The following KCNMA1 variants were observed in gnomAD, a reference collection of about 807,000 sequenced individuals.
KCNMA1 encodes potassium calcium-activated channel subfamily M alpha 1, also known as Calcium-activated potassium channel subunit alpha-1.
In KCNMA1, 29 loss-of-function variants were observed where a neutral mutation model predicts 140.0. The ratio of observed to expected loss-of-function variants is 0.21; its 90% CI spans 0.15 to 0.28. The LOEUF (loss-of-function observed/expected upper bound fraction) is 0.28. Ranked by LOEUF, KCNMA1 falls within the 10% of genes least tolerant of loss-of-function variation. The probability of loss-of-function intolerance (pLI) is 1.00; values close to 1 mark genes in which losing one functional copy is unlikely to be tolerated. For missense variants in KCNMA1, 880 were observed against 1,602.2 expected, an observed-to-expected ratio of 0.55 and a Z score of 7.70; for synonymous variants, 612 against 611.9, an observed-to-expected ratio of 1.00 and a Z score of 0.00.
At chr10:76,937,428 GA>G (rs1423313016) in intron 23 of KCNMA1, among the ~76,000 whole-genome samples, 75 of 152,326 alleles carry the variant, frequency 4.9e-4, no homozygotes, top group African/African-American at 1.8e-3. Flanking sequence ...CAACAAAGAT[GA>G]AACAGTCACT....
chr10:77,544,156 G>C lies in KCNMA1; in HGVS notation c.378+93109C>G, dbSNP rs928350037. ...GATCTACATATCTTTCCAGCTGTGT[G>C]TGTGTGTGTGTGTGTGTGTGTGTGT... On this transcript the variant is annotated intron_variant, in intron 1 of 27. Coordinates refer to ENST00000286628, the MANE Select transcript of KCNMA1 (RefSeq NM_001161352.2). 1.9e-4 allele frequency among the ~76,000 whole-genome samples: 28 copies of C among 147,810 alleles called. No individual in the cohort carries two copies. The East Asian group carries it at 4.3e-3, about 23-fold the overall frequency.
intron 15 of KCNMA1, among the ~76,000 whole-genome samples, chr10:77,030,880 C>T (rs902034292): frequency 5.3e-5 from 8 of 152,146 alleles, no homozygotes; most frequent in Admixed American, 4.6e-4. Context: ...TTTAAAAAGT[C>T]CTTTGACCCA....
intron 5 of KCNMA1, among the ~76,000 whole-genome samples, chr10:77,182,191 T>G (rs917918002): frequency 1.2e-4 from 19 of 152,182 alleles, no homozygotes; most frequent in African/African-American, 4.6e-4. Flanking sequence ...ATTGATAGAA[T>G]TAGAATTATA....
chr10:77,019,243 A>G (rs2092550129), intron 16 of KCNMA1, 144 bp from the exon 17 acceptor site: 2 of 666,956 alleles, frequency 3.0e-6, no homozygotes, highest in East Asian at 2.7e-5. Flanking sequence ...CCAGAGTCCA[A>G]TGTCCACTGC....
At chr10:77,480,079 C>T (rs7475242) in intron 1 of KCNMA1, among the ~76,000 whole-genome samples, 1 of 152,238 alleles carries the variant, frequency 6.6e-6, no homozygotes, top group Non-Finnish European at 1.5e-5. Flanking sequence ...AAGACAGAAG[C>T]TGGATGCGCC....
intron 2 of KCNMA1, among the ~76,000 whole-genome samples, chr10:77,396,078 A>T (rs2096042110): frequency 6.6e-6 from 1 of 152,216 alleles, no homozygotes; most frequent in African/African-American, 2.4e-5. Context: ...GGAAATTATC[A>T]TATGGTTCCT....
At chr10:77,458,209 C>T (rs1299351184) in intron 1 of KCNMA1, among the ~76,000 whole-genome samples, 1 of 152,220 alleles carries the variant, frequency 6.6e-6, no homozygotes, top group Non-Finnish European at 1.5e-5. Flanking sequence ...GGGCACTGTG[C>T]CCCAGAATGG....
At chr10:76,995,711 G>C (rs1227486145) in intron 19 of KCNMA1, 7 of 469,866 alleles carry the variant, frequency 1.5e-5, no homozygotes, top group Non-Finnish European at 3.1e-5. Flanking sequence ...ACCGGCCACT[G>C]TCCTGAAATA....
exon 28 of KCNMA1, chr10:76,869,656 A>T (rs1218284501): frequency 6.6e-6 from 1 of 152,632 alleles, no homozygotes; most frequent in East Asian, 1.9e-4. Context: ...AAATGAAACC[A>T]TGTACAAGTT....
intron 5 of KCNMA1, among the ~76,000 whole-genome samples, chr10:77,153,786 T>A (rs1405641458): frequency 2.6e-5 from 4 of 152,176 alleles, no homozygotes; most frequent in Non-Finnish European, 5.9e-5. Flanking sequence ...GCAACTTACA[T>A]CCTGGAGTTT....
At chr10:77,446,432 G>A (rs1322741062) in intron 1 of KCNMA1, among the ~76,000 whole-genome samples, 1 of 152,220 alleles carries the variant, frequency 6.6e-6, no homozygotes, top group African/African-American at 2.4e-5. Context: ...AGTTAGGGAA[G>A]CTGTACCCAG....
At chr10:77,455,410 C>T (rs2097744603) in intron 1 of KCNMA1, among the ~76,000 whole-genome samples, 1 of 152,156 alleles carries the variant, frequency 6.6e-6, no homozygotes, top group African/African-American at 2.4e-5. Flanking sequence ...GGGACTGTAC[C>T]CTGCCCTCCC....
intron 6 of KCNMA1, among the ~76,000 whole-genome samples, chr10:77,115,215 T>C (rs138683954): frequency 1.1e-3 from 168 of 152,348 alleles, no homozygotes; most frequent in East Asian, 1.9e-3. Context: ...TGGGTGAGAC[T>C]GATATTTCAA....
intron 1 of KCNMA1, among the ~76,000 whole-genome samples, chr10:77,431,393 G>A (rs1185453701): frequency 6.6e-6 from 1 of 152,162 alleles, no homozygotes; most frequent in Non-Finnish European, 1.5e-5. Flanking sequence ...GGTATTCCAG[G>A]AATCCTCTTT....
At chr10:77,197,522 T>G (rs2040923945) in intron 3 of KCNMA1, among the ~76,000 whole-genome samples, 2 of 152,210 alleles carry the variant, frequency 1.3e-5, no homozygotes. Flanking sequence ...AGGGACATGG[T>G]GGCCTTTGTG....
chr10:77,013,243 G>A (rs2091257416), intron 17 of KCNMA1, among the ~76,000 whole-genome samples: 1 of 152,112 alleles, frequency 6.6e-6, no homozygotes, highest in South Asian at 2.1e-4. Context: ...AGATCCTGCA[G>A]CCTAAATCTC....
intron 9 of KCNMA1, among the ~76,000 whole-genome samples, chr10:77,098,596 T>C (rs905688159): frequency 6.6e-6 from 1 of 151,898 alleles, no homozygotes; most frequent in African/African-American, 2.4e-5. Context: ...AACAAAAAAC[T>C]TTTCTTCTTA....
chr10:77,556,502 CAAAAAAAAA>C (rs11446237), intron 1 of KCNMA1, among the ~76,000 whole-genome samples: 49 of 68,900 alleles, frequency 7.1e-4, no homozygotes, highest in African/African-American at 3.2e-3. Flanking sequence ...GGGACTATCT[CAAAAAAAAA>C]AAAAAAAAAA....
At chr10:77,587,151 C>T (rs542528239) in intron 1 of KCNMA1, 1 of 152,272 alleles carries the variant, frequency 6.6e-6, no homozygotes, top group South Asian at 2.1e-4. Context: ...CAACTTTGCA[C>T]AACAGTTCTA....
Sources: allele counts gnomAD v4.1 joint callset (sites outside exome capture counted in the v4.1 genomes callset), GRCh38; gene constraint gnomAD v4.1.1; transcripts MANE v1.5; gene names NCBI Gene and HGNC (gene_info 2026-07-23, HGNC 2026-07-21).